Variants in PAFAH1B2 observed in about 807,000 individuals in gnomAD.
The protein encoded by PAFAH1B2 is platelet-activating factor acetylhydrolase IB subunit alpha2.
A neutral mutation model predicts 28.0 loss-of-function variants in PAFAH1B2; 8 were observed. That is an observed-to-expected ratio of 0.29 (90% confidence interval 0.17 to 0.52). The LOEUF is 0.52. Ranked by LOEUF, PAFAH1B2 falls within the 20% of genes least tolerant of loss-of-function variation. The pLI, the probability that PAFAH1B2 is intolerant of heterozygous loss-of-function variation, is 0.97. For synonymous variants in PAFAH1B2, 104 were observed against 103.2 expected, an observed-to-expected ratio of 1.01 and a Z score of -0.05; for missense variants, 190 against 282.6, an observed-to-expected ratio of 0.67 and a Z score of 2.35.
intron 3 of PAFAH1B2, 65 bp downstream of exon 3, chr11:117,160,088 C>A: frequency 1.8e-6 from 2 of 1,107,622 alleles, no homozygotes; most frequent in Admixed American, 1.7e-5. Flanking sequence ...TACTAACAGA[C>A]TTTCATTCTG....
chr11:117,164,139 G>C, intron 5 of PAFAH1B2: 1 of 316,412 alleles, frequency 3.2e-6, no homozygotes, highest in Middle Eastern at 9.6e-4. Flanking sequence ...CAGGCGCTGT[G>C]GCTCACGCCT....
In PAFAH1B2 at chr11:117,167,805, TC is replaced by T. The variant is rs1437613796; in HGVS notation, c.*108del. ...TAAGGCACTTTGCATTGTAGAATGT[TC>T]CTGGATGTTCATATCTAGTGTTTGA... On this transcript the variant is annotated 3_prime_UTR_variant, in exon 6 of 6. Transcript: ENST00000527958. 1.5e-6 allele frequency: 2 copies of T among 1,316,776 alleles called. No individual in the cohort carries two copies. Among genetic ancestry groups the T allele is most frequent in the Non-Finnish European group, 2.0e-6 (2 of 1,025,328 alleles). The allele number at this position is 1,316,776 out of a possible 1,614,324, so 81.6% of individuals were successfully genotyped here.
chr11:117,146,321 G>A (rs1956007712), intron 1 of PAFAH1B2, among the ~76,000 whole-genome samples: 1 of 151,518 alleles, frequency 6.6e-6, no homozygotes, highest in Admixed American at 6.6e-5. Flanking sequence ...TTGAACTCCC[G>A]ACCTCAAGTG....
intron 4 of PAFAH1B2, among the ~76,000 whole-genome samples, chr11:117,163,144 A>T (rs576091126): frequency 6.6e-6 from 1 of 152,202 alleles, no homozygotes; most frequent in Non-Finnish European, 1.5e-5. Context: ...ATTTATCCTG[A>T]TATATGATAG....
intron 4 of PAFAH1B2, among the ~76,000 whole-genome samples, chr11:117,162,490 C>T (rs1054968390): frequency 3.4e-5 from 5 of 146,334 alleles, no homozygotes; most frequent in African/African-American, 7.6e-5. Context: ...GATGGATCAG[C>T]GTGGTGGGTT....
intron 4 of PAFAH1B2, among the ~76,000 whole-genome samples, chr11:117,162,791 C>G (rs1224525112): frequency 6.6e-6 from 1 of 151,750 alleles, no homozygotes; most frequent in Non-Finnish European, 1.5e-5. Flanking sequence ...AAAGTTGCAT[C>G]CAGCCTCCAC....
chr11:117,144,616 C>T (rs1426236553), intron 1 of PAFAH1B2, among the ~76,000 whole-genome samples, 198 bp downstream of exon 1: 1 of 152,120 alleles, frequency 6.6e-6, no homozygotes, highest in African/African-American at 2.4e-5. Context: ...TTCCCAGCAG[C>T]CGGCGCAGCT....
At position 117,144,315 on chromosome 11, in the gene PAFAH1B2, G is replaced by T. The variant is rs1163059527; in HGVS notation, c.-111G>T. On this transcript the variant is annotated 5_prime_UTR_variant, in exon 1 of 6. Transcript: ENST00000527958. ...GGAGCTGCTGCTGGTGCTGGGGCCG[G>T]AGGAGGGACGCGCCGGAGCGGGACC... The T allele has an allele frequency of 1.2e-5, 5 of 400,366 alleles. No individual in the cohort carries two copies. Among genetic ancestry groups the T allele is most frequent in the Admixed American group, 2.6e-5 (1 of 38,344 alleles). 24.8% of individuals were successfully genotyped at this position (400,366 alleles called of 1,614,324 possible).
intron 2 of PAFAH1B2, among the ~76,000 whole-genome samples, chr11:117,154,641 A>G (rs68137714): frequency 0.17 from 26,230 of 152,012 alleles, 2,406 homozygotes; most frequent in African/African-American, 0.22. Context: ...GGGTCTCACT[A>G]TATTGCCCAG....
chr11:117,151,795 C>T (rs1956157558), intron 1 of PAFAH1B2, among the ~76,000 whole-genome samples: 1 of 152,044 alleles, frequency 6.6e-6, no homozygotes, highest in South Asian at 2.1e-4. Context: ...CCACCTGCAC[C>T]TCCTGGGTTC....
In PAFAH1B2 at chr11:117,169,863, A is replaced by AT. The variant is rs1181496990; in HGVS notation, c.*2165dup. On this transcript the variant is annotated 3_prime_UTR_variant, in exon 6 of 6. Coordinates refer to ENST00000527958, the MANE Select transcript of PAFAH1B2 (RefSeq NM_002572.4). ...GTCAGAAGGTGGGAGTATGGTCCAAATAAATCCATTAGGTTACTCCTGCAG... is the reference window on the plus strand; with the variant it reads ...GTCAGAAGGTGGGAGTATGGTCCAAATTAAATCCATTAGGTTACTCCTGCAG... 1.9e-6 allele frequency: 2 copies of AT among 1,055,000 alleles called. No homozygotes were observed. Among genetic ancestry groups the AT allele is most frequent in the Non-Finnish European group, 2.3e-6 (2 of 872,938 alleles). 65.4% of individuals were successfully genotyped at this position (1,055,000 alleles called of 1,614,324 possible). A position where few individuals can be genotyped will look rare whatever the true frequency, so the allele number is the denominator to read the frequency against.
Position 117,168,368 on chromosome 11 carries a change from T to C in PAFAH1B2, c.*669T>C. On this transcript the variant is annotated 3_prime_UTR_variant, in exon 6 of 6. Transcript: ENST00000527958. ...TTTATGCTGCTGAATATCATGTCTA[T>C]AATAGACCCGTGCATGCAGCCTTTC... 13 of 1,055,796 alleles carry C rather than the reference T, an allele frequency of 1.2e-5. No homozygotes were observed. Among genetic ancestry groups the C allele is most frequent in the Non-Finnish European group, 1.5e-5 (13 of 873,594 alleles). The allele number at this position is 1,055,796 out of a possible 1,614,324, so 65.4% of individuals were successfully genotyped here.
At chr11:117,172,944 C>A (rs919663992), downstream of PAFAH1B2, among the ~76,000 whole-genome samples, 3 of 152,224 alleles carry the variant, frequency 2.0e-5, no homozygotes, top group Admixed American at 6.5e-5. Context: ...CTCAGGCAAT[C>A]GGCCCGCCTT....
chr11:117,175,639 A>G (rs2029936669), downstream of PAFAH1B2: 1 of 1,253,980 alleles, frequency 8.0e-7, no homozygotes, highest in African/African-American at 1.5e-5. Flanking sequence ...CTCAAACTTC[A>G]TTGTGCATAG....
Position 117,169,948 on chromosome 11 carries a change from C to T in PAFAH1B2, c.*2249C>T. The stretch of plus-strand genomic sequence containing the variant: ...AAATATCCCTTTGTGAGCTGGCCCT[C>T]AGCTCCTTTGCTCATGTGTACAAAC... On this transcript the variant is annotated 3_prime_UTR_variant, in exon 6 of 6. Transcript: ENST00000527958. 9.5e-7 allele frequency: 1 copy of T among 1,053,380 alleles called. No individual in the cohort carries two copies. 65.3% of individuals were successfully genotyped at this position (1,053,380 alleles called of 1,614,324 possible).
downstream of PAFAH1B2, chr11:117,175,615 C>T: frequency 8.2e-7 from 1 of 1,216,864 alleles, no homozygotes; most frequent in Non-Finnish European, 1.0e-6. Context: ...TTGTTTGGTT[C>T]CAGAGCAGTG....
chr11:117,144,679 TCTC>T (rs1360250907), intron 1 of PAFAH1B2, among the ~76,000 whole-genome samples: 1 of 151,994 alleles, frequency 6.6e-6, no homozygotes, highest in Admixed American at 6.6e-5. Flanking sequence ...AGCTGGCGTT[TCTC>T]CTCAGCCGCC....
chr11:117,144,650 C>T (rs1379506474), intron 1 of PAFAH1B2, among the ~76,000 whole-genome samples: 1 of 152,162 alleles, frequency 6.6e-6, no homozygotes, highest in African/African-American at 2.4e-5. Context: ...AGAGCCCTTT[C>T]CCGATATTCC....
intron 2 of PAFAH1B2, among the ~76,000 whole-genome samples, chr11:117,155,382 T>C (rs1320579594): frequency 6.6e-6 from 1 of 152,212 alleles, no homozygotes; most frequent in East Asian, 1.9e-4. Context: ...GTAAATATTA[T>C]AGATGAAGCA....
Sources: allele counts gnomAD v4.1 joint callset (sites outside exome capture counted in the v4.1 genomes callset), GRCh38; gene constraint gnomAD v4.1.1; transcripts MANE v1.5; gene names NCBI Gene and HGNC (gene_info 2026-07-23, HGNC 2026-07-21).